CYP2C18: variants seen among roughly 807,000 people sequenced by gnomAD.
The protein encoded by CYP2C18 is cytochrome P450 family 2 subfamily C member 18, also known as cytochrome P450 2C18.
A neutral mutation model predicts 41.3 loss-of-function variants in CYP2C18; 38 were observed. The observed-to-expected ratio is 0.92, with a 90% confidence interval of 0.71 to 1.21. The LOEUF is 1.21. Among genes scored for constraint, CYP2C18 ranks in the 50% most tolerant of loss-of-function variants. CYP2C18 has a pLI of 0.00. For missense variants in CYP2C18, 635 were observed against 591.4 expected (o/e 1.07, Z -0.77); for synonymous variants, 236 against 210.0 (o/e 1.12, Z -1.07).
intron 5 of CYP2C18, among the ~76,000 whole-genome samples, chr10:94,717,206 G>A (rs1005949659): frequency 6.6e-6 from 1 of 152,112 alleles, no homozygotes; most frequent in Non-Finnish European, 1.5e-5. Flanking sequence ...TGTTATGTGT[G>A]AATTTCATCC....
rs1241892396 is a variant in CYP2C18 at position 94,735,769 on chromosome 10, T to C, written c.*325T>C. The C allele has an allele frequency of 7.7e-6, 2 of 258,526 alleles. No homozygotes were observed. The highest frequency in any genetic ancestry group is 9.8e-5 in the Admixed American group (2 of 20,434). 16.0% of individuals were successfully genotyped at this position (258,526 alleles called of 1,614,324 possible). A position where few individuals can be genotyped will look rare whatever the true frequency, so the allele number is the denominator to read the frequency against. On this transcript the variant is annotated 3_prime_UTR_variant, in exon 9 of 9. Coordinates refer to ENST00000285979, the MANE Select transcript of CYP2C18 (RefSeq NM_000772.3). Reference sequence around the variant, plus strand: ...ATTAATAAATGACAATTCAGAGCCATTTATTCTCTGCATGCTCTAGATAAA... The same window carrying C: ...ATTAATAAATGACAATTCAGAGCCACTTATTCTCTGCATGCTCTAGATAAA...
intron 3 of CYP2C18, among the ~76,000 whole-genome samples, chr10:94,692,366 A>G (rs1454388134): frequency 6.6e-6 from 1 of 151,224 alleles, no homozygotes; most frequent in East Asian, 2.0e-4. Context: ...GGCAAAGGAT[A>G]TGAGCAGACA....
At chr10:94,733,711 C>A in intron 8 of CYP2C18, 2 of 491,918 alleles carry the variant, frequency 4.1e-6, no homozygotes, top group Non-Finnish European at 5.3e-6. Context: ...ACTGAGCTAC[C>A]CAAGAGCTCT....
At chr10:94,705,471 A>G (rs1847325551) in intron 4 of CYP2C18, among the ~76,000 whole-genome samples, 2 of 152,326 alleles carry the variant, frequency 1.3e-5, no homozygotes, top group Non-Finnish European at 1.5e-5. Context: ...ACATTTACCT[A>G]TGTAACAAAC....
intron 7 of CYP2C18, among the ~76,000 whole-genome samples, chr10:94,727,441 T>A (rs758388430): frequency 1.3e-5 from 2 of 151,834 alleles, no homozygotes; most frequent in Non-Finnish European, 1.5e-5. Context: ...ATAGTGAAAC[T>A]CTATCTCTAC....
intron 3 of CYP2C18, among the ~76,000 whole-genome samples, chr10:94,692,527 G>T (rs111310272): frequency 2.0e-5 from 3 of 152,308 alleles, no homozygotes; most frequent in African/African-American, 7.2e-5. Flanking sequence ...AGCAACAGGT[G>T]CTGGAGAGGA....
chr10:94,700,028 A>G (rs949448216), intron 4 of CYP2C18, among the ~76,000 whole-genome samples: 2 of 152,206 alleles, frequency 1.3e-5, no homozygotes, highest in Non-Finnish European at 2.9e-5. Flanking sequence ...GGAAGAATCA[A>G]TATCATGAAG....
At chr10:94,692,826 G>A (rs541136145) in intron 3 of CYP2C18, among the ~76,000 whole-genome samples, 5 of 152,250 alleles carry the variant, frequency 3.3e-5, no homozygotes, top group African/African-American at 1.2e-4. Context: ...ATACACCATG[G>A]AATACTATGC....
At chr10:94,698,344 A>G (rs1480125355) in intron 4 of CYP2C18, among the ~76,000 whole-genome samples, 1 of 152,210 alleles carries the variant, frequency 6.6e-6, no homozygotes, top group Non-Finnish European at 1.5e-5. Flanking sequence ...AAACCCCTCA[A>G]CTACATGGAA....
chr10:94,696,278 CA>C (rs1176525982), intron 4 of CYP2C18, among the ~76,000 whole-genome samples: 1 of 152,112 alleles, frequency 6.6e-6, no homozygotes, highest in East Asian at 1.9e-4. Context: ...TCCTCTGAGA[CA>C]AAACTTCCAG....
intron 5 of CYP2C18, among the ~76,000 whole-genome samples, chr10:94,709,323 G>C (rs1333019214): frequency 1.3e-5 from 2 of 152,086 alleles, no homozygotes; most frequent in African/African-American, 4.8e-5. Flanking sequence ...GTGGGGTTGA[G>C]GTGGTTCCAT....
At position 94,733,192 on chromosome 10, in the gene CYP2C18, A is replaced by G. The variant is rs191938161; in HGVS notation, c.1150-105A>G. The G allele has an allele frequency of 3.1e-5, 36 of 1,165,526 alleles. No homozygotes were observed. The African/African-American group carries it at 5.1e-4, about 17-fold the overall frequency. The allele number at this position is 1,165,526 out of a possible 1,614,324, so 72.2% of individuals were successfully genotyped here. On this transcript the variant is annotated intron_variant, in intron 7 of 8. Coordinates refer to ENST00000285979, the MANE Select transcript of CYP2C18 (RefSeq NM_000772.3). ...GGGAATGTAACTTCTTTGGACCTCA[A>G]TTTTCTTATCTATTGATAAAAGAGA...
intron 3 of CYP2C18, 107 bp from the exon 4 acceptor site, chr10:94,694,810 A>G (rs1371561014): frequency 1.7e-6 from 2 of 1,209,232 alleles, no homozygotes; most frequent in East Asian, 5.1e-5. Flanking sequence ...GAGAATTTCT[A>G]GGTAGGTATT....
At chr10:94,724,120 T>C (rs1208242496) in intron 6 of CYP2C18, among the ~76,000 whole-genome samples, 2 of 151,856 alleles carry the variant, frequency 1.3e-5, no homozygotes, top group African/African-American at 2.4e-5. Flanking sequence ...GATTATCTTG[T>C]ATGCTAATAT....
At chr10:94,711,315 G>C (rs750063169) in intron 5 of CYP2C18, among the ~76,000 whole-genome samples, 18 of 151,886 alleles carry the variant, frequency 1.2e-4, no homozygotes, top group Non-Finnish European at 2.2e-4. Context: ...TTGTCAATCT[G>C]TTCTCTTTCT....
chr10:94,717,457 A>G (rs997803250), intron 5 of CYP2C18, among the ~76,000 whole-genome samples: 1 of 152,118 alleles, frequency 6.6e-6, no homozygotes, highest in African/African-American at 2.4e-5. Context: ...GTTTGGCTGG[A>G]TATGAAATTC....
intron 5 of CYP2C18, among the ~76,000 whole-genome samples, chr10:94,720,043 G>A (rs968501881): frequency 5.9e-5 from 9 of 152,098 alleles, no homozygotes; most frequent in African/African-American, 2.2e-4. Context: ...ATGTTCCAAG[G>A]TGATATCTAT....
chr10:94,720,641 A>G, intron 6 of CYP2C18, 104 bp downstream of exon 6: 1 of 1,203,138 alleles, frequency 8.3e-7, no homozygotes, highest in Non-Finnish European at 1.2e-6. Flanking sequence ...TTCATTATTG[A>G]AATTTCTGTG....
intron 4 of CYP2C18, among the ~76,000 whole-genome samples, chr10:94,702,229 G>A (rs182996432): frequency 2.6e-5 from 4 of 152,112 alleles, no homozygotes; most frequent in East Asian, 1.9e-4. Context: ...TGCTATTCTC[G>A]AGGAGTATCT....
Sources: allele counts gnomAD v4.1 joint callset (sites outside exome capture counted in the v4.1 genomes callset), GRCh38; gene constraint gnomAD v4.1.1; transcripts MANE v1.5; gene names NCBI Gene and HGNC (gene_info 2026-07-23, HGNC 2026-07-21).